The following CHCHD3 variants were observed in gnomAD, a reference collection of about 807,000 sequenced individuals.
CHCHD3 encodes the protein coiled-coil-helix-coiled-coil-helix domain containing 3, also known as MICOS complex subunit MIC19.
A neutral mutation model predicts 38.2 loss-of-function variants in CHCHD3; 20 were observed. That is an observed-to-expected ratio of 0.52 (90% confidence interval 0.37 to 0.76). CHCHD3 has a LOEUF of 0.76. Ranked by LOEUF, CHCHD3 falls within the 30% of genes least tolerant of loss-of-function variation. The pLI is 0.00. For missense variants in CHCHD3, 245 were observed against 279.2 expected (o/e 0.88, Z 0.87); for synonymous variants, 82 against 100.0 (o/e 0.82, Z 1.07).
At chr7:133,000,303 G>A (rs1812533582) in intron 3 of CHCHD3, among the ~76,000 whole-genome samples, 1 of 152,086 alleles carries the variant, frequency 6.6e-6, no homozygotes. Flanking sequence ...TGGTATCTCT[G>A]CAAAGGTACA....
intron 3 of CHCHD3, among the ~76,000 whole-genome samples, chr7:132,983,785 T>A (rs1446450128): frequency 6.6e-6 from 1 of 151,912 alleles, no homozygotes; most frequent in Non-Finnish European, 1.5e-5. Context: ...TAGATTGAGG[T>A]CTGCAGCTGC....
intron 2 of CHCHD3, among the ~76,000 whole-genome samples, 182 bp downstream of exon 2, chr7:133,069,960 T>C (rs1467385372): frequency 3.3e-5 from 5 of 152,184 alleles, no homozygotes; most frequent in Non-Finnish European, 5.9e-5. Context: ...TGTTTGAAAA[T>C]AGTTTCATTC....
intron 2 of CHCHD3, among the ~76,000 whole-genome samples, chr7:133,048,749 G>A (rs923819564): frequency 6.6e-6 from 1 of 152,136 alleles, no homozygotes; most frequent in Non-Finnish European, 1.5e-5. Context: ...ACATAGAAAT[G>A]TATGTGCAAA....
At chr7:132,945,202 T>C (rs1810866087) in intron 4 of CHCHD3, among the ~76,000 whole-genome samples, 1 of 151,970 alleles carries the variant, frequency 6.6e-6, no homozygotes, top group Non-Finnish European at 1.5e-5. Flanking sequence ...TTAAAAATCA[T>C]GAAGACTTCT....
intron 5 of CHCHD3, among the ~76,000 whole-genome samples, chr7:132,865,261 C>T (rs966766462): frequency 2.6e-5 from 4 of 152,200 alleles, no homozygotes; most frequent in Admixed American, 6.5e-5. Context: ...GCTGCCATCT[C>T]GGCAGACTGT....
chr7:133,081,774 C>A (rs1815177507), intron 1 of CHCHD3, 83 bp downstream of exon 1: 6 of 1,414,602 alleles, frequency 4.2e-6, no homozygotes, highest in African/African-American at 1.4e-5. Flanking sequence ...ACGGGAGAAA[C>A]CCAGGCTGAG....
chr7:132,846,972 G>A lies in CHCHD3; in HGVS notation c.454-8503C>T, dbSNP rs951952720. 9.2e-5 allele frequency among the ~76,000 whole-genome samples: 14 copies of A among 152,148 alleles called. No homozygotes were observed. The East Asian group carries it at 1.2e-3, about 13-fold the overall frequency. On this transcript the variant is annotated intron_variant, in intron 5 of 7. Coordinates refer to ENST00000262570, the MANE Select transcript of CHCHD3 (RefSeq NM_017812.4). The stretch of plus-strand genomic sequence containing the variant: ...AACAAGTAAGGGGTTTATTTTTCTC[G>A]TGTAATAAGAAATCTGGATGGGAAA...
intron 4 of CHCHD3, among the ~76,000 whole-genome samples, chr7:132,955,531 T>C (rs974494041): frequency 6.6e-6 from 1 of 150,822 alleles, no homozygotes; most frequent in Non-Finnish European, 1.5e-5. Context: ...GTTTGTTTTT[T>C]GGGGTTTTTT....
At chr7:132,974,137 A>G in intron 4 of CHCHD3, 3 of 748,788 alleles carry the variant, frequency 4.0e-6, no homozygotes, top group Non-Finnish European at 5.6e-6. Context: ...ACATAGGAAA[A>G]TGTTCATGAG....
chr7:132,810,844 A>G (rs1807052345), intron 6 of CHCHD3, among the ~76,000 whole-genome samples: 1 of 151,924 alleles, frequency 6.6e-6, no homozygotes, highest in African/African-American at 2.4e-5. Context: ...CCTTAATACT[A>G]CTCTCCAGTT....
At chr7:132,859,318 C>T (rs571167296) in intron 5 of CHCHD3, among the ~76,000 whole-genome samples, 5 of 152,310 alleles carry the variant, frequency 3.3e-5, no homozygotes, top group African/African-American at 1.2e-4. Flanking sequence ...AGCAGATCCA[C>T]ATGTCAGCTG....
chr7:132,863,128 G>C (rs1808535555), intron 5 of CHCHD3, among the ~76,000 whole-genome samples: 1 of 152,144 alleles, frequency 6.6e-6, no homozygotes, highest in Admixed American at 6.5e-5. Flanking sequence ...GGTTTTCAAT[G>C]TACTTTTCCC....
At chr7:132,988,317 C>A (rs12673096) in intron 3 of CHCHD3, among the ~76,000 whole-genome samples, 13,398 of 150,798 alleles carry the variant, frequency 0.089, 1,317 homozygotes, top group East Asian at 0.21. Context: ...ACACACACAC[C>A]CACACAAATA....
At chr7:132,916,708 A>G (rs777800674) in intron 4 of CHCHD3, among the ~76,000 whole-genome samples, 4 of 152,058 alleles carry the variant, frequency 2.6e-5, no homozygotes, top group Admixed American at 6.6e-5. Context: ...CAGCCTCCTG[A>G]GTAGCTGGGA....
At chr7:133,008,606 T>C (rs1812770836) in intron 3 of CHCHD3, among the ~76,000 whole-genome samples, 1 of 152,128 alleles carries the variant, frequency 6.6e-6, no homozygotes, top group Admixed American at 6.5e-5. Flanking sequence ...ACATTAGCCA[T>C]ATGAAATGTC....
At chr7:132,801,047 C>T (rs1806780076) in intron 6 of CHCHD3, among the ~76,000 whole-genome samples, 1 of 152,128 alleles carries the variant, frequency 6.6e-6, no homozygotes, top group African/African-American at 2.4e-5. Context: ...CTGTTAAACC[C>T]AGTGATCAGG....
chr7:133,004,498 G>C (rs1284448093), intron 3 of CHCHD3, among the ~76,000 whole-genome samples: 1 of 152,176 alleles, frequency 6.6e-6, no homozygotes, highest in African/African-American at 2.4e-5. Flanking sequence ...ATACAAGAGG[G>C]ATTTAAAACC....
intron 3 of CHCHD3, among the ~76,000 whole-genome samples, chr7:133,016,525 T>C (rs1170400312): frequency 6.6e-6 from 1 of 152,220 alleles, no homozygotes; most frequent in Non-Finnish European, 1.5e-5. Context: ...TAAGATGGGC[T>C]ACTCCTGTTT....
intron 6 of CHCHD3, among the ~76,000 whole-genome samples, chr7:132,834,849 C>T (rs1456942062): frequency 6.6e-6 from 1 of 152,158 alleles, no homozygotes; most frequent in Non-Finnish European, 1.5e-5. Context: ...AACTGCTTGA[C>T]TGATGGTCCA....
Sources: gnomAD v4.1 joint callset for allele counts (sites outside exome capture counted in the v4.1 genomes callset) on GRCh38, gnomAD v4.1.1 for gene constraint, MANE v1.5 for transcripts, NCBI Gene and HGNC (gene_info 2026-07-23, HGNC 2026-07-21) for gene names.